Variants in CD5 observed in about 807,000 individuals in gnomAD.
CD5 encodes the protein T-cell surface glycoprotein CD5.
In CD5, 36 loss-of-function variants were observed where a neutral mutation model predicts 60.3. The observed-to-expected ratio is 0.60, with a 90% confidence interval of 0.46 to 0.79. CD5 has a LOEUF of 0.79. Ranked by LOEUF, CD5 falls within the 30% of genes least tolerant of loss-of-function variation. The pLI is 0.00. For missense variants in CD5, 540 were observed against 630.6 expected, an observed-to-expected ratio of 0.86 and a Z score of 1.54; for synonymous variants, 230 against 257.6, an observed-to-expected ratio of 0.89 and a Z score of 1.03.
At chr11:61,096,538 C>T in the CD5 span, among the ~76,000 whole-genome samples, 5 of 152,308 alleles carry the variant, frequency 3.3e-5, no homozygotes, top group Admixed American at 2.0e-4. Flanking sequence ...CGGACCTGCT[C>T]GGTGGGGGGA....
At chr11:61,120,715 G>A (rs550187982) in intron 5 of CD5, among the ~76,000 whole-genome samples, 68 of 152,252 alleles carry the variant, frequency 4.5e-4, no homozygotes, top group African/African-American at 1.6e-3. Context: ...CTGCAAGCAC[G>A]CTGGGTACCT....
chr11:61,109,096 G>A (rs922258340), intron 1 of CD5, among the ~76,000 whole-genome samples: 14 of 152,160 alleles, frequency 9.2e-5, no homozygotes, highest in African/African-American at 3.1e-4. Flanking sequence ...TGGCCCTGCC[G>A]AGTTCTCACT....
At chr11:61,101,498 C>G (rs1386575245), upstream of CD5, among the ~76,000 whole-genome samples, 3 of 150,626 alleles carry the variant, frequency 2.0e-5, no homozygotes, top group Non-Finnish European at 4.4e-5. Flanking sequence ...GGGGATTACA[C>G]ACACATCAAC....
In CD5 at chr11:61,124,792, C is replaced by A. The variant is rs563595872; in HGVS notation, c.1280-240C>A. 1.0e-3 allele frequency among the ~76,000 whole-genome samples: 156 copies of A among 151,990 alleles called. 1 individual carries two copies. The highest frequency in any genetic ancestry group is 0.01 in the Middle Eastern group (3 of 294). On this transcript the variant is annotated intron_variant, in intron 8 of 10. Transcript: ENST00000347785. ...CTTGATGACCGACTCACGGAAGGCC[C>A]CACCCTGCCAGTCAGATTGCTGGGT...
At chr11:61,108,952 G>A (rs1860811285) in intron 1 of CD5, among the ~76,000 whole-genome samples, 1 of 152,110 alleles carries the variant, frequency 6.6e-6, no homozygotes, top group South Asian at 2.1e-4. Context: ...GTGAATCCGG[G>A]TGCCTGCCAA....
rs1181875544 is a variant in CD5 at position 61,127,794 on chromosome 11, A to G, written c.*1509A>G. ...GTTTGGCCACCATACAGTGGCCTCA[A>G]AGCAACCATGGCCTACTTAAAAACC... On this transcript the variant is annotated 3_prime_UTR_variant, in exon 11 of 11. Coordinates refer to ENST00000347785, the MANE Select transcript of CD5 (RefSeq NM_014207.4). The G allele has an allele frequency of 6.6e-6, 1 of 152,210 alleles. No individual in the cohort carries two copies. The highest frequency in any genetic ancestry group is 1.5e-5 in the Non-Finnish European group (1 of 68,040). 9.4% of individuals were successfully genotyped at this position (152,210 alleles called of 1,614,324 possible).
At chr11:61,095,254 C>T in the CD5 span, among the ~76,000 whole-genome samples, 3 of 152,018 alleles carry the variant, frequency 2.0e-5, no homozygotes, top group Non-Finnish European at 4.4e-5. Context: ...AGTGAAGCCA[C>T]GGGAGAAACT....
In CD5 at chr11:61,125,775, C is replaced by T. The variant is rs1255638657; in HGVS notation, c.1424C>T (p.Ser475Phe). The T allele has an allele frequency of 3.7e-6, 6 of 1,611,920 alleles. No individual in the cohort carries two copies. Among genetic ancestry groups the T allele is most frequent in the Non-Finnish European group, 5.1e-6 (6 of 1,178,698 alleles). ...YPALEGALHR[S>F]SMQPDNSSDS... ...GCTCTGGAAGGGGCTCTGCATCGCT[C>T]CTCCATGCAGCCTGACAACTCCTCC... Residue 475 changes from serine (S) to phenylalanine (F), a missense_variant, in exon 10 of 11, where the codon TCC (serine) becomes TTC (phenylalanine). Physicochemically the swap from Ser to Phe is radical, Grantham distance 155. Transcript: ENST00000347785.
chr11:61,100,949 A>G (rs1186550686), upstream of CD5, among the ~76,000 whole-genome samples: 51 of 143,614 alleles, frequency 3.6e-4, 1 homozygote, highest in African/African-American at 1.3e-3. Flanking sequence ...TGGAGATTAC[A>G]CACACATCAA....
Position 61,126,679 on chromosome 11 carries a change from T to C in CD5, c.*394T>C, listed in dbSNP as rs1861152513. 1 of 152,296 alleles carries C rather than the reference T, an allele frequency of 6.6e-6. No individual in the cohort carries two copies. Among genetic ancestry groups the C allele is most frequent in the African/African-American group, 2.4e-5 (1 of 41,440 alleles). The allele number at this position is 152,296 out of a possible 1,614,324, so 9.4% of individuals were successfully genotyped here. A position where few individuals can be genotyped will look rare whatever the true frequency, so the allele number is the denominator to read the frequency against. On this transcript the variant is annotated 3_prime_UTR_variant, in exon 11 of 11. Coordinates refer to ENST00000347785, the MANE Select transcript of CD5 (RefSeq NM_014207.4). ...CACAGCTGGGCGAGTGCATTTTGAA[T>C]AGTTTTTTGTAAGTAGTGCTTTTCC...
rs7342164 is a variant in CD5 at position 61,115,622 on chromosome 11, C to T, written c.94+528C>T. 2.6e-5 allele frequency among the ~76,000 whole-genome samples: 4 copies of T among 152,266 alleles called. No individual in the cohort carries two copies. The East Asian group carries it at 5.8e-4, about 22-fold the overall frequency. ...TCCCACTGAAGACTGACAGTGTACA[C>T]CGGCCCAGTAAAGGATCTGAGAAAT... On this transcript the variant is annotated intron_variant, in intron 2 of 10. Coordinates refer to ENST00000347785, the MANE Select transcript of CD5 (RefSeq NM_014207.4).
intron 1 of CD5, among the ~76,000 whole-genome samples, chr11:61,113,531 C>T (rs1860889659): frequency 1.3e-5 from 2 of 152,218 alleles, no homozygotes; most frequent in South Asian, 4.1e-4. Context: ...GGGCAGGTCA[C>T]GCCATCTCTT....
chr11:61,113,351 G>A (rs1158565818), intron 1 of CD5, among the ~76,000 whole-genome samples: 1 of 152,226 alleles, frequency 6.6e-6, no homozygotes, highest in African/African-American at 2.4e-5. Context: ...GAGCTGCTCT[G>A]CTGAGAGCCC....
chr11:61,125,588 T>A (rs773980523), intron 9 of CD5, among the ~76,000 whole-genome samples, 163 bp from the exon 10 acceptor site: 1 of 152,172 alleles, frequency 6.6e-6, no homozygotes, highest in African/African-American at 2.4e-5. Context: ...GAGTTCAGCA[T>A]CATTAGTGAA....
At chr11:61,098,004 C>T (rs890346017), upstream of CD5, among the ~76,000 whole-genome samples, 1 of 152,130 alleles carries the variant, frequency 6.6e-6, no homozygotes, top group Non-Finnish European at 1.5e-5. Context: ...GAAATTTAAC[C>T]TTACTAATTG....
rs543822203 is a variant in CD5 at position 61,118,658 on chromosome 11, T to C, written c.400+178T>C. ...GGGGACTGGAAGGGGCCAGCACCCATCTGTAGGATGGCAATGGAGGACCTA... is the reference window on the plus strand; with the variant it reads ...GGGGACTGGAAGGGGCCAGCACCCACCTGTAGGATGGCAATGGAGGACCTA... On this transcript the variant is annotated intron_variant, in intron 3 of 10. Coordinates refer to ENST00000347785, the MANE Select transcript of CD5 (RefSeq NM_014207.4). The surrounding 1 kb of genome is among the most constrained non-coding windows in gnomAD (Gnocchi z 4.7). Among the ~76,000 whole-genome samples the C allele has an allele frequency of 6.6e-6, 1 of 152,288 alleles. No individual in the cohort carries two copies. Among genetic ancestry groups the C allele is most frequent in the East Asian group, 1.9e-4 (1 of 5,176 alleles).
upstream of CD5, among the ~76,000 whole-genome samples, chr11:61,099,504 C>T (rs1235297351): frequency 4.8e-5 from 7 of 146,770 alleles, no homozygotes; most frequent in African/African-American, 7.7e-5. Flanking sequence ...ATGGAGATCA[C>T]ACACACACAT....
chr11:61,116,825 AACACACACAAC>A (rs1425057939), intron 2 of CD5, among the ~76,000 whole-genome samples: 2 of 119,750 alleles, frequency 1.7e-5, no homozygotes, highest in African/African-American at 3.3e-5. Context: ...ACACACATAC[AACACACACAAC>A]ACACACACCA....
rs753899214 is a variant in CD5, at chr11:61,118,867, C to A, written c.401-48C>A. 1.4e-6 allele frequency: 2 copies of A among 1,427,098 alleles called. No individual in the cohort carries two copies. Among genetic ancestry groups the A allele is most frequent in the Admixed American group, 1.7e-5 (1 of 58,284 alleles). The allele number at this position is 1,427,098 out of a possible 1,614,324, so 88.4% of individuals were successfully genotyped here. A position where few individuals can be genotyped will look rare whatever the true frequency, so the allele number is the denominator to read the frequency against. On this transcript the variant is annotated intron_variant, in intron 3 of 10. Coordinates refer to ENST00000347785, the MANE Select transcript of CD5 (RefSeq NM_014207.4). The surrounding 1 kb of genome is among the most constrained non-coding windows in gnomAD (Gnocchi z 4.7). ...TCTCAAGGCTGCTGGCTGCCCCCGG[C>A]CCTCCCCACACCACCCATTCCTCCC... is the stretch of plus-strand genomic sequence containing the variant.
Sources: gnomAD v4.1 joint callset for allele counts (sites outside exome capture counted in the v4.1 genomes callset) on GRCh38, gnomAD v4.1.1 for gene constraint, Gnocchi (gnomAD v3.1) non-coding constraint, MANE v1.5 for transcripts, NCBI Gene and HGNC (gene_info 2026-07-23, HGNC 2026-07-21) for gene names.